Variants in FRAT1 observed in about 807,000 individuals in gnomAD.
FRAT1 encodes proto-oncogene FRAT1.
In FRAT1, 9 loss-of-function variants were observed where a neutral mutation model predicts 16.9. That is an observed-to-expected ratio of 0.53 (90% CI 0.32 to 0.93). The LOEUF (loss-of-function observed/expected upper bound fraction) is 0.93, where lower values mean the gene tolerates loss of function less well. FRAT1 is among the 40% of genes least tolerant of loss of function. The pLI is 0.04. For missense variants in FRAT1, 354 were observed against 402.8 expected, an observed-to-expected ratio of 0.88 and a Z score of 1.04; for synonymous variants, 191 against 202.1, an observed-to-expected ratio of 0.95 and a Z score of 0.46.
In FRAT1 at chr10:97,320,812, G is replaced by A. The variant is rs1354007542; in HGVS notation, c.*519G>A. The A allele has an allele frequency of 1.2e-5, 2 of 169,110 alleles. No homozygotes were observed. Among genetic ancestry groups the A allele is most frequent in the African/African-American group, 4.8e-5 (2 of 41,504 alleles). 10.5% of individuals were successfully genotyped at this position (169,110 alleles called of 1,614,324 possible). On this transcript the variant is annotated 3_prime_UTR_variant, in exon 1 of 1. Transcript: ENST00000371021. ...TTAAAAAAACCATCTTGTGTCTTTG[G>A]AGGTGCTGCTTAATACCAAACATGC...
chr10:97,320,025 A>C lies in FRAT1; in HGVS notation c.572A>C (p.Glu191Ala). Residue 191 changes from glutamate to alanine, a missense_variant, in exon 1 of 1, where the codon GAA (glutamate) becomes GCA (alanine). Physicochemically the swap from Glu to Ala is moderately radical, Grantham distance 107. This residue lies in a region of FRAT1 where 286 missense variants were observed against 311.0 expected (regional missense o/e 0.92). Coordinates refer to ENST00000371021, the MANE Select transcript of FRAT1 (RefSeq NM_005479.4). ...CAGCAGCGACGCGGGTCCCAACCAGAAACCCGCACAGGCGACGACGACCCG... is the reference window on the plus strand; with the variant it reads ...CAGCAGCGACGCGGGTCCCAACCAGCAACCCGCACAGGCGACGACGACCCG... ...RLQQRRGSQP[E>A]TRTGDDDPHR... 1 of 1,564,974 alleles carries C rather than the reference A, an allele frequency of 6.4e-7. No homozygotes were observed. The highest frequency in any genetic ancestry group is 8.7e-7 in the Non-Finnish European group (1 of 1,155,386).
At position 97,319,862 on chromosome 10, in the gene FRAT1, C is replaced by A; in HGVS notation, c.409C>A (p.Pro137Thr). Residue 137 changes from proline (P) to threonine (T), a missense_variant, in exon 1 of 1, where the codon CCC (proline) becomes ACC (threonine). Physicochemically the swap from Pro to Thr is conservative, Grantham distance 38 (BLOSUM62 -1). Around this residue, in one of 3 missense-constraint regions of FRAT1, gnomAD observed 286 missense variants for 311.0 expected, o/e 0.92. Transcript: ENST00000371021. ...CTGCGTGGCCGAGCTCGCCACAGGC[C>A]CCAGCGCGCTGTCCCCACTGCCCCC... is the stretch of plus-strand genomic sequence containing the variant. Reference protein sequence around the residue: ...PYCVAELATGPSALSPLPPQA... With the variant: ...PYCVAELATGTSALSPLPPQA... 6.6e-7 allele frequency: 1 copy of A among 1,515,666 alleles called. No individual in the cohort carries two copies. Among genetic ancestry groups the A allele is most frequent in the Non-Finnish European group, 8.8e-7 (1 of 1,139,692 alleles). The allele number at this position is 1,515,666 out of a possible 1,614,324, so 93.9% of individuals were successfully genotyped here.
chr10:97,319,397 C>T lies in FRAT1; in HGVS notation c.-57C>T, dbSNP rs1028818479. The T allele has an allele frequency of 3.1e-6, 4 of 1,280,636 alleles. No homozygotes were observed. The African/African-American group carries it at 4.7e-5, about 15-fold the overall frequency. 79.3% of individuals were successfully genotyped at this position (1,280,636 alleles called of 1,614,324 possible). On this transcript the variant is annotated 5_prime_UTR_variant, in exon 1 of 1. Coordinates refer to ENST00000371021, the MANE Select transcript of FRAT1 (RefSeq NM_005479.4). The stretch of plus-strand genomic sequence containing the variant: ...GCTCCGCCGCGGCCCACCGCGCCCG[C>T]CGGCAGCCGAGCCCCCAGCGACGCC...
In FRAT1 at chr10:97,320,034, C is replaced by T. The variant is rs1215714803; in HGVS notation, c.581C>T (p.Thr194Ile). 1.3e-6 allele frequency: 2 copies of T among 1,571,254 alleles called. No homozygotes were observed. Among genetic ancestry groups the T allele is most frequent in the Non-Finnish European group, 1.7e-6 (2 of 1,158,738 alleles). The stretch of plus-strand genomic sequence containing the variant: ...CGCGGGTCCCAACCAGAAACCCGCA[C>T]AGGCGACGACGACCCGCACCGGCTT... Reference protein sequence around the residue: ...QRRGSQPETRTGDDDPHRLLQ... With the variant: ...QRRGSQPETRIGDDDPHRLLQ... The change falls in exon 1 of 1, where the codon ACA (threonine) becomes ATA (isoleucine). Residue 194 changes from threonine to isoleucine, a missense_variant. This residue lies in a region of FRAT1 where 286 missense variants were observed against 311.0 expected (regional missense o/e 0.92). Transcript: ENST00000371021.
Position 97,319,537 on chromosome 10 carries a change from G to A in FRAT1, c.84G>A (p.Leu28=), listed in dbSNP as rs1209197948. ...EEEEEDSFLL[L]QQSVALGSSG... is the part of the protein sequence containing the mutation. ...AGGAGGAGGACAGCTTCCTCCTACT[G>A]CAGCAGTCAGTGGCGCTGGGCAGCT... The change falls in exon 1 of 1, where the codon CTG becomes CTA. Residue 28 remains leucine, a synonymous_variant. Coordinates refer to ENST00000371021, the MANE Select transcript of FRAT1 (RefSeq NM_005479.4). The A allele has an allele frequency of 4.7e-6, 7 of 1,478,252 alleles. No individual in the cohort carries two copies. The Middle Eastern group carries it at 5.8e-4, about 122-fold the overall frequency. 91.6% of individuals were successfully genotyped at this position (1,478,252 alleles called of 1,614,324 possible).
rs188824732 is a variant in FRAT1, at chr10:97,320,786, C to T, written c.*493C>T. On this transcript the variant is annotated 3_prime_UTR_variant, in exon 1 of 1. Coordinates refer to ENST00000371021, the MANE Select transcript of FRAT1 (RefSeq NM_005479.4). ...TCAGGGTGCAGCCCAATCTGCCAGA[C>T]TTAAAAAAACCATCTTGTGTCTTTG... 26 of 171,206 alleles carry T rather than the reference C, an allele frequency of 1.5e-4. No individual in the cohort carries two copies. The highest frequency in any genetic ancestry group is 3.9e-4 in the South Asian group (2 of 5,118). The allele number at this position is 171,206 out of a possible 1,614,324, so 10.6% of individuals were successfully genotyped here. A position where few individuals can be genotyped will look rare whatever the true frequency, so the allele number is the denominator to read the frequency against.
rs932178780 is a variant in FRAT1 at position 97,320,207 on chromosome 10, A to G, written c.754A>G (p.Ser252Gly). Residue 252 changes from serine to glycine, a missense_variant, in exon 1 of 1, where the codon AGC (serine) becomes GGC (glycine). Ser to Gly is a moderately conservative substitution (Grantham distance 56, BLOSUM62 0). Around this residue, in one of 3 missense-constraint regions of FRAT1, gnomAD observed 286 missense variants for 311.0 expected, o/e 0.92. Coordinates refer to ENST00000371021, the MANE Select transcript of FRAT1 (RefSeq NM_005479.4). Reference sequence around the variant, plus strand: ...GGTGCATGAACCCCCTTCGCCTCGCAGCCCTCGCGCGGCCTGCAGTGACCC... The same window carrying G: ...GGTGCATGAACCCCCTTCGCCTCGCGGCCCTCGCGCGGCCTGCAGTGACCC... ...APVHEPPSPRSPRAACSDPGA... is the reference protein window; with the variant it reads ...APVHEPPSPRGPRAACSDPGA... The G allele has an allele frequency of 1.2e-6, 2 of 1,609,086 alleles. No individual in the cohort carries two copies. The highest frequency in any genetic ancestry group is 2.7e-5 in the African/African-American group (2 of 74,682).
chr10:97,319,278 C>T lies in FRAT1; in HGVS notation c.-176C>T, dbSNP rs373432834. The T allele has an allele frequency of 3.7e-6, 3 of 800,504 alleles. No individual in the cohort carries two copies. Among genetic ancestry groups the T allele is most frequent in the Non-Finnish European group, 5.0e-6 (3 of 597,512 alleles). 49.6% of individuals were successfully genotyped at this position (800,504 alleles called of 1,614,324 possible). On this transcript the variant is annotated 5_prime_UTR_variant, in exon 1 of 1. Transcript: ENST00000371021. ...CCCGAGCCGGCAGGATTCCGGCTCC[C>T]GCGGCTGCAGGCGCGCGGCTAGAGT...
rs1843438766 is a variant in FRAT1 at position 97,319,577 on chromosome 10, C to T, written c.124C>T (p.Arg42Trp). Reference sequence around the variant, plus strand: ...GCTGGGCAGCTCGGGCGAGGTGGACCGGCTGGTGGCCCAGATCGGCGAGAC... The same window carrying T: ...GCTGGGCAGCTCGGGCGAGGTGGACTGGCTGGTGGCCCAGATCGGCGAGAC... Reference protein sequence around the residue: ...VALGSSGEVDRLVAQIGETLQ... With the variant: ...VALGSSGEVDWLVAQIGETLQ... Residue 42 changes from arginine to tryptophan, a missense_variant, in exon 1 of 1, where the codon CGG becomes TGG. Transcript: ENST00000371021. 2.7e-6 allele frequency: 4 copies of T among 1,459,226 alleles called. No individual in the cohort carries two copies. Among genetic ancestry groups the T allele is most frequent in the South Asian group, 1.3e-5 (1 of 76,732 alleles). The allele number at this position is 1,459,226 out of a possible 1,614,324, so 90.4% of individuals were successfully genotyped here.
rs1175268453 is a variant in FRAT1 at position 97,319,913 on chromosome 10, G to A, written c.460G>A (p.Gly154Arg). 6.5e-7 allele frequency: 1 copy of A among 1,531,798 alleles called. No homozygotes were observed. Among genetic ancestry groups the A allele is most frequent in the East Asian group, 2.5e-5 (1 of 40,736 alleles). 94.9% of individuals were successfully genotyped at this position (1,531,798 alleles called of 1,614,324 possible). ...PPQADLDGPP[G>R]AGKQGIPQPL... The stretch of plus-strand genomic sequence containing the variant: ...TCAGGCCGACCTTGATGGGCCTCCG[G>A]GAGCTGGCAAGCAGGGCATCCCGCA... The change falls in exon 1 of 1, where the codon GGA becomes AGA. Residue 154 changes from glycine (G) to arginine (R), a missense_variant. By Grantham distance (125) the Gly-to-Arg change is moderately radical. Coordinates refer to ENST00000371021, the MANE Select transcript of FRAT1 (RefSeq NM_005479.4).
rs1185263413 is a variant in FRAT1, at chr10:97,320,236, C to T, written c.783C>T (p.Gly261=). Reference sequence around the variant, plus strand: ...CTCGCGCGGCCTGCAGTGACCCTGGCGCCTCCGGGAGGGCGCAGCTCAGAA... The same window carrying T: ...CTCGCGCGGCCTGCAGTGACCCTGGTGCCTCCGGGAGGGCGCAGCTCAGAA... The part of the protein sequence containing the change: ...RSPRAACSDP[G]ASGRAQLRTG... Residue 261 remains glycine, a synonymous_variant, in exon 1 of 1, where the codon GGC becomes GGT. Transcript: ENST00000371021. 4 of 1,602,594 alleles carry T rather than the reference C, an allele frequency of 2.5e-6. No homozygotes were observed. Among genetic ancestry groups the T allele is most frequent in the Non-Finnish European group, 3.4e-6 (4 of 1,175,624 alleles).
In FRAT1 at chr10:97,320,333, G is replaced by A. The variant is rs1273562669; in HGVS notation, c.*40G>A. 1 of 1,493,222 alleles carries A rather than the reference G, an allele frequency of 6.7e-7. No individual in the cohort carries two copies. The highest frequency in any genetic ancestry group is 1.3e-5 in the South Asian group (1 of 74,722). 92.5% of individuals were successfully genotyped at this position (1,493,222 alleles called of 1,614,324 possible). On this transcript the variant is annotated 3_prime_UTR_variant, in exon 1 of 1. Transcript: ENST00000371021. ...CCACAGCGCCAGCCTCAGACTGGAG[G>A]GCAAGGGGTTCCCTTGAGGGCTGCA...
In FRAT1 at chr10:97,320,380, A is replaced by G. The variant is rs932600663; in HGVS notation, c.*87A>G. On this transcript the variant is annotated 3_prime_UTR_variant, in exon 1 of 1. Transcript: ENST00000371021. Reference sequence around the variant, plus strand: ...TGCAGTTCTACTCAGGCTGGTGGAGAACTCTGGCTTTTGGAAGCGAGAGTA... The same window carrying G: ...TGCAGTTCTACTCAGGCTGGTGGAGGACTCTGGCTTTTGGAAGCGAGAGTA... 7 of 1,245,918 alleles carry G rather than the reference A, an allele frequency of 5.6e-6. No homozygotes were observed. In the African/African-American group the frequency reaches 9.2e-5, roughly 16 times the overall value. The allele number at this position is 1,245,918 out of a possible 1,614,324, so 77.2% of individuals were successfully genotyped here.
In FRAT1 at chr10:97,320,056, G is replaced by A; in HGVS notation, c.603G>A (p.Arg201=). 6.3e-7 allele frequency: 1 copy of A among 1,586,920 alleles called. No individual in the cohort carries two copies. Among genetic ancestry groups the A allele is most frequent in the Admixed American group, 1.8e-5 (1 of 56,412 alleles). The change falls in exon 1 of 1, where the codon CGG becomes CGA. Residue 201 remains arginine (R), a synonymous_variant. Coordinates refer to ENST00000371021, the MANE Select transcript of FRAT1 (RefSeq NM_005479.4). The part of the protein sequence containing the change: ...ETRTGDDDPH[R]LLQQLVLSGN... ...GCACAGGCGACGACGACCCGCACCGGCTTCTGCAGCAGCTAGTGCTCTCTG... is the reference window on the plus strand; with the variant it reads ...GCACAGGCGACGACGACCCGCACCGACTTCTGCAGCAGCTAGTGCTCTCTG...
rs1435943352 is a variant in FRAT1, at chr10:97,321,466, G to A, written c.*1173G>A. On this transcript the variant is annotated 3_prime_UTR_variant, in exon 1 of 1. Coordinates refer to ENST00000371021, the MANE Select transcript of FRAT1 (RefSeq NM_005479.4). ...CTCTCCGGGGCCATTTGCAATAACAGCTGCAATTCCCTGGATAGACGAGTT... is the reference window on the plus strand; with the variant it reads ...CTCTCCGGGGCCATTTGCAATAACAACTGCAATTCCCTGGATAGACGAGTT... 1 of 167,198 alleles carries A rather than the reference G, an allele frequency of 6.0e-6. No individual in the cohort carries two copies. The highest frequency in any genetic ancestry group is 1.5e-5 in the Non-Finnish European group (1 of 68,182). The allele number at this position is 167,198 out of a possible 1,614,324, so 10.4% of individuals were successfully genotyped here.
At position 97,319,970 on chromosome 10, in the gene FRAT1, C is replaced by T. The variant is rs1226846565; in HGVS notation, c.517C>T (p.Leu173Phe). ...GTCGGGTCCGTGCCGGCGAGGATGG[C>T]TCCGGGGCGCCGCCGCCTCCCGCCG... is the stretch of plus-strand genomic sequence containing the variant. ...PLSGPCRRGW[L>F]RGAAASRRLQ... The change falls in exon 1 of 1, where the codon CTC becomes TTC. Residue 173 changes from leucine (L) to phenylalanine (F), a missense_variant. Physicochemically the swap from Leu to Phe is conservative, Grantham distance 22. This residue lies in a region of FRAT1 where 286 missense variants were observed against 311.0 expected (regional missense o/e 0.92). Transcript: ENST00000371021. The T allele has an allele frequency of 1.9e-6, 3 of 1,542,700 alleles. No individual in the cohort carries two copies. Among genetic ancestry groups the T allele is most frequent in the Admixed American group, 2.0e-5 (1 of 51,006 alleles).
rs1843452427 is a variant in FRAT1 at position 97,320,607 on chromosome 10, A to G, written c.*314A>G. The G allele has an allele frequency of 2.9e-6, 1 of 347,626 alleles. No homozygotes were observed. Among genetic ancestry groups the G allele is most frequent in the Non-Finnish European group, 5.4e-6 (1 of 184,216 alleles). The allele number at this position is 347,626 out of a possible 1,614,324, so 21.5% of individuals were successfully genotyped here. ...AGCCTGCATTTCCTCGCAGCCTCTC[A>G]GTGCCCTCCAGCCCCGCGACCATGT... On this transcript the variant is annotated 3_prime_UTR_variant, in exon 1 of 1. Coordinates refer to ENST00000371021, the MANE Select transcript of FRAT1 (RefSeq NM_005479.4).
In FRAT1 at chr10:97,320,685, A is replaced by G. The variant is rs985439500; in HGVS notation, c.*392A>G. On this transcript the variant is annotated 3_prime_UTR_variant, in exon 1 of 1. Coordinates refer to ENST00000371021, the MANE Select transcript of FRAT1 (RefSeq NM_005479.4). The stretch of plus-strand genomic sequence containing the variant: ...CGGTGCGCCGGAACCACGGAGGATG[A>G]TGCCAGTTACTTGCTTTACCTTTTC... 3.6e-5 allele frequency: 8 copies of G among 223,332 alleles called. No individual in the cohort carries two copies. Among genetic ancestry groups the G allele is most frequent in the African/African-American group, 9.2e-5 (4 of 43,296 alleles). The allele number at this position is 223,332 out of a possible 1,614,324, so 13.8% of individuals were successfully genotyped here.
rs1465956913 is a variant in FRAT1, at chr10:97,321,144, GT to G, written c.*855del. 1 of 167,152 alleles carries G rather than the reference GT, an allele frequency of 6.0e-6. No individual in the cohort carries two copies. Among genetic ancestry groups the G allele is most frequent in the African/African-American group, 2.4e-5 (1 of 41,474 alleles). 10.4% of individuals were successfully genotyped at this position (167,152 alleles called of 1,614,324 possible). A position where few individuals can be genotyped will look rare whatever the true frequency, so the allele number is the denominator to read the frequency against. Reference sequence around the variant, plus strand: ...GCCGGTGCTCGGAGAAGAGCGCAGTGTTTTGCAAGTGCTGGAGTCTCCTGAG... The same window carrying G: ...GCCGGTGCTCGGAGAAGAGCGCAGTGTTTGCAAGTGCTGGAGTCTCCTGAG... On this transcript the variant is annotated 3_prime_UTR_variant, in exon 1 of 1. Transcript: ENST00000371021.
Sources: gnomAD v4.1 joint callset for allele counts on GRCh38, gnomAD v4.1.1 for gene constraint, gnomAD v4.1.1 regional missense constraint, MANE v1.5 for transcripts, NCBI Gene and HGNC (gene_info 2026-07-23, HGNC 2026-07-21) for gene names.